The following TMEM132C variants were observed in gnomAD, a reference collection of about 807,000 sequenced individuals.
TMEM132C encodes the protein transmembrane protein 132C.
A neutral mutation model predicts 61.4 loss-of-function variants in TMEM132C; 29 were observed. That is an observed-to-expected ratio of 0.47 (90% CI 0.35 to 0.64). The LOEUF (loss-of-function observed/expected upper bound fraction) is 0.64. TMEM132C is among the 30% of genes least tolerant of loss of function. The probability of loss-of-function intolerance (pLI) is 0.00; values close to 1 mark genes in which losing one functional copy is unlikely to be tolerated. For synonymous variants in TMEM132C, 656 were observed against 633.1 expected, an observed-to-expected ratio of 1.04 and a Z score of -0.54; for missense variants, 1,408 against 1,476.9, an observed-to-expected ratio of 0.95 and a Z score of 0.76.
At chr12:128,334,599 CTT>C (rs202233227) in intron 1 of TMEM132C, among the ~76,000 whole-genome samples, 12 of 143,280 alleles carry the variant, frequency 8.4e-5, no homozygotes, top group Admixed American at 7.0e-5. Flanking sequence ...TTTCACTTTC[CTT>C]TTTTTTTTTT....
At chr12:128,664,037 C>T (rs1218768928) in intron 4 of TMEM132C, among the ~76,000 whole-genome samples, 1 of 127,694 alleles carries the variant, frequency 7.8e-6, no homozygotes, top group African/African-American at 2.9e-5. Context: ...CACGCACCCA[C>T]ACGCACGCAC....
intron 2 of TMEM132C, among the ~76,000 whole-genome samples, chr12:128,491,905 G>A (rs951349707): frequency 1.1e-4 from 16 of 151,212 alleles, no homozygotes; most frequent in African/African-American, 3.7e-4. Context: ...CAACATGCAG[G>A]TTTGTTACAT....
chr12:128,617,491 C>T (rs1593121914), intron 4 of TMEM132C, among the ~76,000 whole-genome samples: 3 of 152,294 alleles, frequency 2.0e-5, no homozygotes, highest in Admixed American at 2.0e-4. Context: ...TTGGCCAGGC[C>T]TGGGGAATGT....
intron 2 of TMEM132C, among the ~76,000 whole-genome samples, chr12:128,476,181 A>G (rs181892366): frequency 1.8e-3 from 280 of 152,268 alleles, no homozygotes; most frequent in African/African-American, 6.5e-3. Flanking sequence ...CACCACCAAA[A>G]AAGGCTGTCC....
At position 128,693,920 on chromosome 12, in the gene TMEM132C, G is replaced by T. The variant is rs1474208040; in HGVS notation, c.1541G>T (p.Ser514Ile). 6.4e-7 allele frequency: 1 copy of T among 1,551,758 alleles called. No homozygotes were observed. Among genetic ancestry groups the T allele is most frequent in the Admixed American group, 2.0e-5 (1 of 51,004 alleles). ...GTGAACTTCACATACCAGTACCTGAGCGCCCCCCTGTGTGTCACCGTGTGG... is the reference window on the plus strand; with the variant it reads ...GTGAACTTCACATACCAGTACCTGATCGCCCCCCTGTGTGTCACCGTGTGG... The part of the protein sequence containing the change: ...AVVNFTYQYL[S>I]APLCVTVWVP... Residue 514 changes from serine to isoleucine, a missense_variant, in exon 6 of 9, where the codon AGC (serine) becomes ATC (isoleucine). Coordinates refer to ENST00000435159, the MANE Select transcript of TMEM132C (RefSeq NM_001136103.3).
At position 128,696,071 on chromosome 12, in the gene TMEM132C, G is replaced by T; in HGVS notation, c.1897G>T (p.Val633Phe). Reference sequence around the variant, plus strand: ...CACCCTCCAGGACAGCCGGGTCCTGGTTGGGCGAGAGGTTGGGATGACGAC... The same window carrying T: ...CACCCTCCAGGACAGCCGGGTCCTGTTTGGGCGAGAGGTTGGGATGACGAC... Reference protein sequence around the residue: ...VATLQDSRVLVGREVGMTTIQ... With the variant: ...VATLQDSRVLFGREVGMTTIQ... The change falls in exon 7 of 9, where the codon GTT becomes TTT. Residue 633 changes from valine to phenylalanine, a missense_variant. Val to Phe is a conservative substitution (Grantham distance 50, BLOSUM62 -1). Transcript: ENST00000435159. 2 of 1,551,738 alleles carry T rather than the reference G, an allele frequency of 1.3e-6. No homozygotes were observed. Among genetic ancestry groups the T allele is most frequent in the Non-Finnish European group, 1.7e-6 (2 of 1,147,006 alleles).
Position 128,689,012 on chromosome 12 carries a change from T to C in TMEM132C, c.1450-4817T>C, listed in dbSNP as rs1593149438. Among the ~76,000 whole-genome samples the C allele has an allele frequency of 2.0e-5, 3 of 152,112 alleles. No individual in the cohort carries two copies. The East Asian group carries it at 5.8e-4, about 29-fold the overall frequency. ...GTTTTATTTTTAGTAGAGACAGGGTTTCACCATGTTGGCCAGGCTGGTCTC... is the reference window on the plus strand; with the variant it reads ...GTTTTATTTTTAGTAGAGACAGGGTCTCACCATGTTGGCCAGGCTGGTCTC... On this transcript the variant is annotated intron_variant, in intron 5 of 8. Transcript: ENST00000435159.
At chr12:128,575,382 G>A (rs372369301) in intron 3 of TMEM132C, among the ~76,000 whole-genome samples, 1 of 152,204 alleles carries the variant, frequency 6.6e-6, no homozygotes, top group Admixed American at 6.5e-5. Flanking sequence ...GGGAGACTGA[G>A]GCAGGACAAT....
intron 1 of TMEM132C, among the ~76,000 whole-genome samples, chr12:128,303,271 A>G (rs1231757374): frequency 6.6e-6 from 1 of 152,236 alleles, no homozygotes; most frequent in Non-Finnish European, 1.5e-5. Context: ...TTTATCAGTA[A>G]AAATGAGTCC....
chr12:128,393,922 A>G (rs1180591417), intron 1 of TMEM132C, among the ~76,000 whole-genome samples: 2 of 152,248 alleles, frequency 1.3e-5, no homozygotes, highest in African/African-American at 2.4e-5. Context: ...ATATTGGCAC[A>G]CAGCCATCTT....
intron 1 of TMEM132C, among the ~76,000 whole-genome samples, chr12:128,320,209 G>A (rs1439823267): frequency 6.6e-6 from 1 of 151,994 alleles, no homozygotes; most frequent in Non-Finnish European, 1.5e-5. Flanking sequence ...CACTATTCAA[G>A]CTTCAGTGAA....
Position 128,705,464 on chromosome 12 carries a change from G to C in TMEM132C, c.2496G>C (p.Glu832Asp). ...SDRRQKGQHH[E>D]RTGQDGHLYG... is the part of the protein sequence containing the mutation. ...GCCGGCAGAAGGGCCAGCACCATGA[G>C]CGCACAGGCCAAGATGGGCACCTCT... The change falls in exon 9 of 9, where the codon GAG becomes GAC. Residue 832 changes from glutamate to aspartate, a missense_variant. Transcript: ENST00000435159. 2 of 1,551,164 alleles carry C rather than the reference G, an allele frequency of 1.3e-6. No homozygotes were observed. The highest frequency in any genetic ancestry group is 1.7e-6 in the Non-Finnish European group (2 of 1,146,946).
At chr12:128,393,738 G>T (rs547388727) in intron 1 of TMEM132C, among the ~76,000 whole-genome samples, 6 of 152,236 alleles carry the variant, frequency 3.9e-5, no homozygotes, top group African/African-American at 1.2e-4. Context: ...TGAGCTTCTT[G>T]CCTCATGGTC....
intron 1 of TMEM132C, among the ~76,000 whole-genome samples, chr12:128,376,503 A>C (rs1467867075): frequency 6.6e-6 from 1 of 152,238 alleles, no homozygotes; most frequent in Non-Finnish European, 1.5e-5. Flanking sequence ...TACAAAAGAG[A>C]AAATAAGCAA....
At chr12:128,552,144 G>A (rs1463582520) in intron 3 of TMEM132C, among the ~76,000 whole-genome samples, 1 of 152,244 alleles carries the variant, frequency 6.6e-6, no homozygotes. Context: ...ACATGCACCT[G>A]TGCTGTTAGG....
chr12:128,346,378 G>A (rs1443282291), intron 1 of TMEM132C, among the ~76,000 whole-genome samples: 2 of 152,088 alleles, frequency 1.3e-5, no homozygotes, highest in Non-Finnish European at 2.9e-5. Flanking sequence ...GATTGCCTTG[G>A]CTATTTGGGT....
At chr12:128,703,318 GC>G (rs60466427) in intron 8 of TMEM132C, among the ~76,000 whole-genome samples, 38,791 of 151,684 alleles carry the variant, frequency 0.26, 5,322 homozygotes, top group East Asian at 0.36. Flanking sequence ...CCTCCAATAG[GC>G]CCCAGTGTGT....
intron 3 of TMEM132C, among the ~76,000 whole-genome samples, chr12:128,599,139 A>C (rs1355566852): frequency 6.6e-6 from 1 of 152,116 alleles, no homozygotes; most frequent in Non-Finnish European, 1.5e-5. Flanking sequence ...GGAAACTCTC[A>C]GTGTAGACCC....
intron 3 of TMEM132C, among the ~76,000 whole-genome samples, chr12:128,549,102 G>A (rs974030756): frequency 3.9e-5 from 6 of 152,154 alleles, no homozygotes; most frequent in Admixed American, 6.5e-5. Context: ...AAGCTCAGGC[G>A]GGAGACTGCC....
Sources: gnomAD v4.1 joint callset for allele counts (sites outside exome capture counted in the v4.1 genomes callset) on GRCh38, gnomAD v4.1.1 for gene constraint, MANE v1.5 for transcripts, NCBI Gene and HGNC (gene_info 2026-07-23, HGNC 2026-07-21) for gene names.